KCNQ1: variants seen among roughly 807,000 people sequenced by gnomAD.
KCNQ1 encodes the protein potassium voltage-gated channel subfamily Q member 1.
KCNQ1 carries 49 observed loss-of-function variants against 72.4 expected under a neutral mutation model. The observed-to-expected ratio is 0.68, with a 90% CI of 0.54 to 0.86. The LOEUF (loss-of-function observed/expected upper bound fraction) is 0.86. KCNQ1 is among the 40% of genes least tolerant of loss of function. The probability of loss-of-function intolerance (pLI) is 0.00; values close to 1 mark genes in which losing one functional copy is unlikely to be tolerated. For missense variants in KCNQ1, 790 were observed against 945.1 expected (o/e 0.84, Z 2.15); for synonymous variants, 450 against 412.6 (o/e 1.09, Z -1.10).
In KCNQ1 at chr11:2,682,538, A is replaced by AC. The variant is rs1372969250; in HGVS notation, c.1514+20460dup. 1 of 398,220 alleles carries AC rather than the reference A, an allele frequency of 2.5e-6. No homozygotes were observed. The highest frequency in any genetic ancestry group is 2.1e-5 in the African/African-American group (1 of 48,488). The allele number at this position is 398,220 out of a possible 1,614,324, so 24.7% of individuals were successfully genotyped here. ...TGCCCAGGTCAAACCAGGTGCTAGG[A>AC]CCCTGGCAGGGGTTCCATAAGGCTA... On this transcript the variant is annotated intron_variant, in intron 11 of 15. Transcript: ENST00000155840. The surrounding 1 kb of genome is among the most constrained non-coding windows in gnomAD (Gnocchi z 5.8).
intron 2 of KCNQ1, among the ~76,000 whole-genome samples, chr11:2,560,035 C>T (rs1229745346): frequency 5.6e-5 from 8 of 143,962 alleles, no homozygotes; most frequent in South Asian, 2.3e-4. Flanking sequence ...GTCCCAAACA[C>T]GGGGGAGGGG....
intron 10 of KCNQ1, chr11:2,660,063 T>C (rs896246793): frequency 1.3e-5 from 5 of 398,366 alleles, no homozygotes; most frequent in Non-Finnish European, 2.2e-5. Flanking sequence ...AATTTGTTGA[T>C]TCTTTTTCTC....
In KCNQ1 at chr11:2,446,041, T is replaced by C. The variant is rs903044636; in HGVS notation, c.386+557T>C. ...TCCCCACGGGCCCCACATTAACTAATTGAACCAAGCTCATGAAAACCTGGC... is the reference window on the plus strand; with the variant it reads ...TCCCCACGGGCCCCACATTAACTAACTGAACCAAGCTCATGAAAACCTGGC... On this transcript the variant is annotated intron_variant, in intron 1 of 15. Transcript: ENST00000155840. The surrounding 1 kb of genome is among the most constrained non-coding windows in gnomAD (Gnocchi z 8.8). 1.9e-4 allele frequency among the ~76,000 whole-genome samples: 29 copies of C among 152,150 alleles called. No homozygotes were observed. The highest frequency in any genetic ancestry group is 6.5e-4 in the African/African-American group (27 of 41,440).
chr11:2,574,313 C>T (rs976678563), intron 6 of KCNQ1, among the ~76,000 whole-genome samples: 6 of 152,184 alleles, frequency 3.9e-5, no homozygotes, highest in South Asian at 2.1e-4. Context: ...AGCCTGCCCC[C>T]GCGTCTGCCC....
intron 15 of KCNQ1, among the ~76,000 whole-genome samples, chr11:2,794,536 C>T (rs1012956260): frequency 1.1e-4 from 16 of 152,152 alleles, no homozygotes; most frequent in African/African-American, 3.6e-4. Flanking sequence ...GAAGCAGGCT[C>T]ATGTGACTCA....
chr11:2,547,018 A>G lies in KCNQ1; in HGVS notation c.477+19000A>G, dbSNP rs1318437185. Among the ~76,000 whole-genome samples the G allele has an allele frequency of 6.6e-6, 1 of 152,210 alleles. No homozygotes were observed. Among genetic ancestry groups the G allele is most frequent in the African/African-American group, 2.4e-5 (1 of 41,456 alleles). On this transcript the variant is annotated intron_variant, in intron 2 of 15. Transcript: ENST00000155840. The surrounding 1 kb of genome is among the most constrained non-coding windows in gnomAD (Gnocchi z 4.2). ...TCAAAACTTGTTTTTCATATGAAGC[A>G]TATAGTTGAGTCTTATTTTGTGAGT... is the stretch of plus-strand genomic sequence containing the variant.
intron 10 of KCNQ1, chr11:2,630,381 T>C (rs1299408772): frequency 5.0e-6 from 2 of 398,164 alleles, no homozygotes; most frequent in Non-Finnish European, 4.4e-6. Context: ...TCTTTTCTTA[T>C]ATTGTCCTTG....
rs1848372370 is a variant in KCNQ1 at position 2,848,030 on chromosome 11, CTGAG to C, written c.*32_*35del. 2.0e-6 allele frequency: 3 copies of C among 1,524,634 alleles called. No individual in the cohort carries two copies. The highest frequency in any genetic ancestry group is 2.4e-5 in the East Asian group (1 of 41,152). The allele number at this position is 1,524,634 out of a possible 1,614,324, so 94.4% of individuals were successfully genotyped here. On this transcript the variant is annotated 3_prime_UTR_variant, in exon 16 of 16. Coordinates refer to ENST00000155840, the MANE Select transcript of KCNQ1 (RefSeq NM_000218.3). ...GAGGGGATGGGGCTGGGGGATGGGC[CTGAG>C]TGAGAGGGGAGGCCAAGAGTGGCCC...
In KCNQ1 at chr11:2,748,490, C is replaced by T. The variant is rs1408414299; in HGVS notation, c.1515-20354C>T. On this transcript the variant is annotated intron_variant, in intron 11 of 15. Transcript: ENST00000155840. The surrounding 1 kb of genome is among the most constrained non-coding windows in gnomAD (Gnocchi z 6.2). ...ACCTGATGCCAAACCAGGCTCCACTCTTCCTCCAGGTGAGCCCGAGGGCCC... is the reference window on the plus strand; with the variant it reads ...ACCTGATGCCAAACCAGGCTCCACTTTTCCTCCAGGTGAGCCCGAGGGCCC... Among the ~76,000 whole-genome samples the T allele has an allele frequency of 6.6e-6, 1 of 152,226 alleles. No homozygotes were observed. Among genetic ancestry groups the T allele is most frequent in the Non-Finnish European group, 1.5e-5 (1 of 68,036 alleles).
rs1317371324 is a variant in KCNQ1 at position 2,592,160 on chromosome 11, A to T, written c.1393+3306A>T. On this transcript the variant is annotated intron_variant, in intron 10 of 15. Coordinates refer to ENST00000155840, the MANE Select transcript of KCNQ1 (RefSeq NM_000218.3). The surrounding 1 kb of genome is among the most constrained non-coding windows in gnomAD (Gnocchi z 5.2). ...CTACCTGTCTGCGCCATCCACCTGCACACAAGCCCCTTCAGCTCGTGCTCT... is the reference window on the plus strand; with the variant it reads ...CTACCTGTCTGCGCCATCCACCTGCTCACAAGCCCCTTCAGCTCGTGCTCT... 6.6e-6 allele frequency among the ~76,000 whole-genome samples: 1 copy of T among 152,236 alleles called. No individual in the cohort carries two copies. Among genetic ancestry groups the T allele is most frequent in the Non-Finnish European group, 1.5e-5 (1 of 68,050 alleles).
intron 11 of KCNQ1, among the ~76,000 whole-genome samples, chr11:2,730,351 GGAGGTCAGATGTCCGA>G (rs1845833932): frequency 6.6e-6 from 1 of 152,230 alleles, no homozygotes; most frequent in Non-Finnish European, 1.5e-5. Flanking sequence ...TAACAGCTCT[GGAGGTCAGATGTCCGA>G]CATGGGCTAC....
chr11:2,460,484 C>A (rs1846260338), intron 1 of KCNQ1, among the ~76,000 whole-genome samples: 2 of 150,120 alleles, frequency 1.3e-5, no homozygotes, highest in South Asian at 4.2e-4. Flanking sequence ...CCACAGGCCT[C>A]CTCCCTCCCT....
chr11:2,456,653 G>A (rs939538203), intron 1 of KCNQ1, among the ~76,000 whole-genome samples: 1 of 151,476 alleles, frequency 6.6e-6, no homozygotes, highest in South Asian at 2.1e-4. Flanking sequence ...CGGGCGCGGT[G>A]GCTCACGCCT....
chr11:2,558,364 G>A (rs368819416), intron 2 of KCNQ1, among the ~76,000 whole-genome samples: 12 of 152,276 alleles, frequency 7.9e-5, no homozygotes, highest in African/African-American at 1.2e-4. Flanking sequence ...TATTCAGTGC[G>A]TCCTGGGTTC....
At chr11:2,604,923 CA>C (rs1226324594) in intron 10 of KCNQ1, among the ~76,000 whole-genome samples, 1 of 152,184 alleles carries the variant, frequency 6.6e-6, no homozygotes, top group Non-Finnish European at 1.5e-5. Flanking sequence ...AGCATATGAG[CA>C]CTGCGCAAGT....
rs2133945878 is a variant in KCNQ1 at position 2,735,260 on chromosome 11, G to GA, written c.1515-33583dup. Among the ~76,000 whole-genome samples, 1 of 152,224 alleles carries GA rather than the reference G, an allele frequency of 6.6e-6. No homozygotes were observed. Among genetic ancestry groups the GA allele is most frequent in the South Asian group, 2.1e-4 (1 of 4,830 alleles). ...CGCCACTTGCCCTGAGGCCCTGGGG[G>GA]ACAGCCTGGCCCCTGGATGGCCAGA... On this transcript the variant is annotated intron_variant, in intron 11 of 15. Transcript: ENST00000155840. This position sits in a 1 kb window ranked among gnomAD's most constrained non-coding sequence, Gnocchi z 7.7.
intron 6 of KCNQ1, among the ~76,000 whole-genome samples, chr11:2,582,782 G>A (rs1194370946): frequency 3.3e-5 from 5 of 152,120 alleles, no homozygotes; most frequent in Admixed American, 6.5e-5. Flanking sequence ...AGGCTCCTAC[G>A]TCCTGCAGAA....
intron 10 of KCNQ1, chr11:2,630,529 A>G (rs979555547): frequency 2.5e-6 from 1 of 398,280 alleles, no homozygotes. Context: ...ACCTTTTAAT[A>G]TTGCATATCC....
Position 2,669,921 on chromosome 11 carries a change from C to A in KCNQ1, c.1514+7840C>A, listed in dbSNP as rs905806727. 2.5e-6 allele frequency: 1 copy of A among 398,584 alleles called. No individual in the cohort carries two copies. The allele number at this position is 398,584 out of a possible 1,614,324, so 24.7% of individuals were successfully genotyped here. ...CCTAGAGGCCTGAGAGTCCCAAGCT[C>A]CAGGACAGTCTGGAGTCAGGTGGAG... is the stretch of plus-strand genomic sequence containing the variant. On this transcript the variant is annotated intron_variant, in intron 11 of 15. Coordinates refer to ENST00000155840, the MANE Select transcript of KCNQ1 (RefSeq NM_000218.3). This position sits in a 1 kb window ranked among gnomAD's most constrained non-coding sequence, Gnocchi z 5.6.
Sources: allele counts gnomAD v4.1 joint callset (sites outside exome capture counted in the v4.1 genomes callset), GRCh38; gene constraint gnomAD v4.1.1; non-coding constraint Gnocchi (gnomAD v3.1); transcripts MANE v1.5; gene names NCBI Gene and HGNC (gene_info 2026-07-23, HGNC 2026-07-21).